ROCK2: variants seen among roughly 807,000 people sequenced by gnomAD.
ROCK2 encodes the protein rho-associated protein kinase 2.
ROCK2 carries 61 observed loss-of-function variants against 195.1 expected under a neutral mutation model. The ratio of observed to expected loss-of-function variants is 0.31; its 90% confidence interval spans 0.25 to 0.39. ROCK2 has a LOEUF of 0.39. Ranked by LOEUF, ROCK2 falls within the 10% of genes least tolerant of loss-of-function variation. The probability of loss-of-function intolerance (pLI) is 1.00; values close to 1 mark genes in which losing one functional copy is unlikely to be tolerated. For synonymous variants in ROCK2, 504 were observed against 545.5 expected, an observed-to-expected ratio of 0.92 and a Z score of 1.06; for missense variants, 1,109 against 1,637.4, an observed-to-expected ratio of 0.68 and a Z score of 5.57.
At chr2:11,291,443 G>A (rs776330927) in intron 1 of ROCK2, among the ~76,000 whole-genome samples, 13 of 152,178 alleles carry the variant, frequency 8.5e-5, no homozygotes, top group Admixed American at 3.9e-4. Context: ...CCAGCTACTC[G>A]AGAGGCTGAG....
In ROCK2 at chr2:11,238,260, TACA is replaced by T. The variant is rs529567314; in HGVS notation, c.463-2301_463-2299del. On this transcript the variant is annotated intron_variant, in intron 4 of 32. Coordinates refer to ENST00000315872, the MANE Select transcript of ROCK2 (RefSeq NM_004850.5). Reference sequence around the variant, plus strand: ...TGTGTGTCTGTTGTGTGTGTCAGTGTACAACATGTTTAAATGATTAAAGGAAAT... The same window carrying T: ...TGTGTGTCTGTTGTGTGTGTCAGTGTACATGTTTAAATGATTAAAGGAAAT... Among the ~76,000 whole-genome samples the T allele has an allele frequency of 5.9e-4, 69 of 117,430 alleles. 1 individual carries two copies. Among genetic ancestry groups the T allele is most frequent in the Admixed American group, 2.5e-3 (28 of 11,122 alleles). The allele number at this position is 117,430 out of a possible 152,430, so 77.0% of individuals were successfully genotyped here.
chr2:11,298,200 G>C (rs186238701), intron 1 of ROCK2, among the ~76,000 whole-genome samples: 10 of 152,174 alleles, frequency 6.6e-5, no homozygotes, highest in Non-Finnish European at 1.2e-4. Context: ...AGGAGGCCAG[G>C]CACAGTGGCC....
At chr2:11,238,750 G>A (rs938199467) in intron 4 of ROCK2, among the ~76,000 whole-genome samples, 2 of 152,100 alleles carry the variant, frequency 1.3e-5, no homozygotes, top group Non-Finnish European at 2.9e-5. Flanking sequence ...GGAGGCTGAG[G>A]TGGGAAGATC....
chr2:11,310,889 A>G (rs1035156545), intron 1 of ROCK2, among the ~76,000 whole-genome samples: 4 of 152,018 alleles, frequency 2.6e-5, no homozygotes, highest in South Asian at 2.1e-4. Flanking sequence ...TATTCTTGTA[A>G]TAAAGCAAGG....
intron 18 of ROCK2, among the ~76,000 whole-genome samples, chr2:11,209,453 C>A (rs1304574661): frequency 2.0e-5 from 3 of 152,188 alleles, no homozygotes; most frequent in Non-Finnish European, 4.4e-5. Flanking sequence ...AGGAAACGCT[C>A]ACAATGTCTT....
chr2:11,311,277 AG>A (rs1231793025), intron 1 of ROCK2, among the ~76,000 whole-genome samples: 2 of 152,154 alleles, frequency 1.3e-5, no homozygotes, highest in African/African-American at 4.8e-5. Context: ...AGTCCTGGAG[AG>A]CCCCCAAAGC....
intron 20 of ROCK2, among the ~76,000 whole-genome samples, chr2:11,202,620 C>A (rs1663901579): frequency 6.6e-6 from 1 of 152,054 alleles, no homozygotes; most frequent in Non-Finnish European, 1.5e-5. Context: ...GCCTCAGCCT[C>A]CCGAGTAGCT....
rs542786498 is a variant in ROCK2 at position 11,181,219 on chromosome 2, T to C, written c.*2218A>G. The C allele has an allele frequency of 1.4e-5, 2 of 146,302 alleles. No homozygotes were observed. The highest frequency in any genetic ancestry group is 6.9e-5 in the Admixed American group (1 of 14,562). The allele number at this position is 146,302 out of a possible 1,614,324, so 9.1% of individuals were successfully genotyped here. On this transcript the variant is annotated 3_prime_UTR_variant, in exon 33 of 33. Transcript: ENST00000315872. ...ATATATATATATATATACTCTCCAA[T>C]TCAGAATAGGATAGAACCTCCCATA...
At chr2:11,211,486 T>C (rs566117941) in intron 18 of ROCK2, among the ~76,000 whole-genome samples, 195 bp downstream of exon 18, 1 of 152,312 alleles carries the variant, frequency 6.6e-6, no homozygotes, top group East Asian at 1.9e-4. Flanking sequence ...CTTACTATCT[T>C]AGAAATGATT....
rs529968132 is a variant in ROCK2 at position 11,217,267 on chromosome 2, A to G, written c.1333-98T>C. 10 of 748,666 alleles carry G rather than the reference A, an allele frequency of 1.3e-5. No individual in the cohort carries two copies. The East Asian group carries it at 2.6e-4, about 19-fold the overall frequency. 46.4% of individuals were successfully genotyped at this position (748,666 alleles called of 1,614,324 possible). A position where few individuals can be genotyped will look rare whatever the true frequency, so the allele number is the denominator to read the frequency against. On this transcript the variant is annotated intron_variant, in intron 11 of 32. Transcript: ENST00000315872. ...GATAAGCTTATTTTGTCTTTCCACT[A>G]AACATAATGTCCTCTATAATGGTAC...
intron 8 of ROCK2, among the ~76,000 whole-genome samples, chr2:11,221,743 C>T (rs1437939546): frequency 6.6e-6 from 1 of 152,062 alleles, no homozygotes; most frequent in African/African-American, 2.4e-5. Context: ...AGTATGGTCT[C>T]CATAAATAAT....
At chr2:11,291,933 C>A (rs1312480430) in intron 1 of ROCK2, among the ~76,000 whole-genome samples, 1 of 152,118 alleles carries the variant, frequency 6.6e-6, no homozygotes, top group African/African-American at 2.4e-5. Context: ...ACCATCATGG[C>A]ATCTTAGAAG....
Position 11,215,025 on chromosome 2 carries a change from G to A in ROCK2, c.1751C>T (p.Thr584Ile), listed in dbSNP as rs1252482300. 1 of 1,613,960 alleles carries A rather than the reference G, an allele frequency of 6.2e-7. No homozygotes were observed. The change falls in exon 16 of 33, where the codon ACC becomes ATC. Residue 584 changes from threonine (T) to isoleucine (I), a missense_variant. Transcript: ENST00000315872. ...AATCTGTTTTGAACTTTCTGCCTGGGTTTTCCTTAACCGGGCTGCAGTATC... is the reference window on the plus strand; with the variant it reads ...AATCTGTTTTGAACTTTCTGCCTGGATTTTCCTTAACCGGGCTGCAGTATC... ...ESDTAARLRKTQAESSKQIQQ... is the reference protein window; with the variant it reads ...ESDTAARLRKIQAESSKQIQQ...
At chr2:11,193,222 A>C (rs1663500238) in intron 30 of ROCK2, among the ~76,000 whole-genome samples, 1 of 152,184 alleles carries the variant, frequency 6.6e-6, no homozygotes, top group Non-Finnish European at 1.5e-5. Context: ...AACTCCAAAT[A>C]AACATGACAA....
chr2:11,321,398 G>A (rs1040087829), intron 1 of ROCK2, among the ~76,000 whole-genome samples: 3 of 151,468 alleles, frequency 2.0e-5, no homozygotes, highest in South Asian at 2.1e-4. Context: ...GGTTGCTCTC[G>A]AACTCCTGCC....
chr2:11,324,199 C>T lies in ROCK2; in HGVS notation c.141+19797G>A, dbSNP rs557374051. On this transcript the variant is annotated intron_variant, in intron 1 of 32. Coordinates refer to ENST00000315872, the MANE Select transcript of ROCK2 (RefSeq NM_004850.5). ...CGCCTGTAATCCCAGCACTTTGGGACGCCAAGGCTGGAGGATCACGAGGTC... is the reference window on the plus strand; with the variant it reads ...CGCCTGTAATCCCAGCACTTTGGGATGCCAAGGCTGGAGGATCACGAGGTC... Among the ~76,000 whole-genome samples the T allele has an allele frequency of 7.9e-5, 12 of 152,194 alleles. No individual in the cohort carries two copies. In the South Asian group the frequency reaches 2.3e-3, roughly 29 times the overall value.
intron 11 of ROCK2, 131 bp downstream of exon 11, chr2:11,218,324 G>T: frequency 1.9e-6 from 1 of 517,062 alleles, no homozygotes. Context: ...CTTGGTAGAA[G>T]AAAGGTTGGG....
chr2:11,264,330 G>C (rs766563924), intron 3 of ROCK2, among the ~76,000 whole-genome samples: 1 of 152,146 alleles, frequency 6.6e-6, no homozygotes, highest in Non-Finnish European at 1.5e-5. Flanking sequence ...AAAGTGGATG[G>C]ACTGGAGAAA....
intron 5 of ROCK2, among the ~76,000 whole-genome samples, chr2:11,233,034 AG>A (rs1037274014): frequency 1.3e-5 from 2 of 151,998 alleles, no homozygotes; most frequent in Non-Finnish European, 2.9e-5. Context: ...GGCAACATAG[AG>A]AGATACTGTC....
Sources: gnomAD v4.1 joint callset for allele counts (sites outside exome capture counted in the v4.1 genomes callset) on GRCh38, gnomAD v4.1.1 for gene constraint, MANE v1.5 for transcripts, NCBI Gene and HGNC (gene_info 2026-07-23, HGNC 2026-07-21) for gene names.